Variants in EPB41L2 observed in about 807,000 individuals in gnomAD.
The protein encoded by EPB41L2 is erythrocyte membrane protein band 4.1 like 2, also known as band 4.1-like protein 2.
Under a neutral mutation model 113.0 loss-of-function variants are expected in EPB41L2, and 43 were observed. The observed-to-expected ratio is 0.38, with a 90% confidence interval of 0.30 to 0.49. The LOEUF is 0.49. Among genes scored for constraint, EPB41L2 ranks in the 20% least tolerant of loss-of-function variants. The pLI is 0.95. For missense variants in EPB41L2, 1,147 were observed against 1,223.4 expected (o/e 0.94, Z 0.93); for synonymous variants, 442 against 436.7 (o/e 1.01, Z -0.15).
rs34144765 is a variant in EPB41L2 at position 131,010,414 on chromosome 6, A to ATT, written c.-15+52739_-15+52740dup. 5.0e-4 allele frequency among the ~76,000 whole-genome samples: 71 copies of ATT among 142,958 alleles called. 1 individual carries two copies. The highest frequency in any genetic ancestry group is 4.5e-3 in the East Asian group (22 of 4,862). The allele number at this position is 142,958 out of a possible 152,430, so 93.8% of individuals were successfully genotyped here. On this transcript the variant is annotated intron_variant, in intron 1 of 19. Transcript: ENST00000337057. ...CCTGATAGAAATAAAGAATTAATTAATTTTTTTTTTTTTTTTGAAACGCAG... is the reference window on the plus strand; with the variant it reads ...CCTGATAGAAATAAAGAATTAATTAATTTTTTTTTTTTTTTTTTGAAACGCAG...
At chr6:130,905,152 G>A (rs1013941147) in intron 5 of EPB41L2, among the ~76,000 whole-genome samples, 4 of 152,090 alleles carry the variant, frequency 2.6e-5, no homozygotes, top group African/African-American at 4.8e-5. Flanking sequence ...ACACTTGGCT[G>A]TATTGTGCCA....
At chr6:131,024,614 G>A (rs528090677) in intron 1 of EPB41L2, among the ~76,000 whole-genome samples, 4 of 152,220 alleles carry the variant, frequency 2.6e-5, no homozygotes, top group South Asian at 2.1e-4. Context: ...CTCTTTGAGC[G>A]CAAGGACCGA....
At chr6:130,853,425 G>A (rs1267867658) in intron 19 of EPB41L2, among the ~76,000 whole-genome samples, 1 of 152,184 alleles carries the variant, frequency 6.6e-6, no homozygotes, top group Non-Finnish European at 1.5e-5. Flanking sequence ...TACCACTGCA[G>A]TGGTGATAAG....
At chr6:130,961,431 T>C (rs1484259528) in intron 1 of EPB41L2, among the ~76,000 whole-genome samples, 1 of 152,200 alleles carries the variant, frequency 6.6e-6, no homozygotes, top group Non-Finnish European at 1.5e-5. Flanking sequence ...CTGTGTTACA[T>C]AAACCCATTC....
chr6:130,873,908 G>A (rs1414186651), intron 14 of EPB41L2, among the ~76,000 whole-genome samples: 1 of 152,142 alleles, frequency 6.6e-6, no homozygotes, highest in East Asian at 1.9e-4. Flanking sequence ...AGAGGAAAAA[G>A]CTTTTGGACT....
intron 11 of EPB41L2, 148 bp from the exon 12 acceptor site, chr6:130,885,416 T>C (rs1237047588): frequency 7.2e-6 from 5 of 697,870 alleles, no homozygotes; most frequent in South Asian, 6.0e-5. Flanking sequence ...ATACCCACCA[T>C]ATAAAATAAA....
At position 130,839,400 on chromosome 6, in the gene EPB41L2, C is replaced by T. The variant is rs1774867207; in HGVS notation, c.*1204G>A. On this transcript the variant is annotated 3_prime_UTR_variant, in exon 20 of 20. Coordinates refer to ENST00000337057, the MANE Select transcript of EPB41L2 (RefSeq NM_001431.4). Reference sequence around the variant, plus strand: ...AATAGTATTACAGGAAGCAAAATATCATTTAATACAACTTGAGGCTGCTAT... The same window carrying T: ...AATAGTATTACAGGAAGCAAAATATTATTTAATACAACTTGAGGCTGCTAT... 2 of 152,114 alleles carry T rather than the reference C, an allele frequency of 1.3e-5. No homozygotes were observed. Among genetic ancestry groups the T allele is most frequent in the South Asian group, 4.1e-4 (2 of 4,822 alleles). The allele number at this position is 152,114 out of a possible 1,614,324, so 9.4% of individuals were successfully genotyped here. A position where few individuals can be genotyped will look rare whatever the true frequency, so the allele number is the denominator to read the frequency against.
At chr6:131,016,848 C>CA (rs10687764) in intron 1 of EPB41L2, among the ~76,000 whole-genome samples, 38,991 of 140,574 alleles carry the variant, frequency 0.28, 6,486 homozygotes, top group African/African-American at 0.49. Flanking sequence ...TATTCGCACA[C>CA]AAAAAAAAAA....
chr6:130,935,289 C>A (rs80191892), intron 3 of EPB41L2, among the ~76,000 whole-genome samples: 4 of 152,188 alleles, frequency 2.6e-5, no homozygotes, highest in Admixed American at 1.3e-4. Flanking sequence ...AATAAAATCA[C>A]ATAGATACTT....
chr6:130,997,398 G>A, intron 1 of EPB41L2, among the ~76,000 whole-genome samples: 1 of 152,138 alleles, frequency 6.6e-6, no homozygotes, highest in Middle Eastern at 3.2e-3. Context: ...AGTTTCCTAT[G>A]AAGGTAGTCA....
chr6:130,860,215 A>C (rs1233030874), intron 18 of EPB41L2, among the ~76,000 whole-genome samples: 5 of 152,246 alleles, frequency 3.3e-5, no homozygotes, highest in Non-Finnish European at 7.3e-5. Context: ...ACGTAGCTAC[A>C]GACAAATGAT....
chr6:130,927,790 T>C (rs1299256612), intron 3 of EPB41L2, among the ~76,000 whole-genome samples: 1 of 152,276 alleles, frequency 6.6e-6, no homozygotes, highest in Non-Finnish European at 1.5e-5. Context: ...TAACATTATT[T>C]CAACATAATA....
chr6:131,030,638 C>G (rs1333016687), intron 1 of EPB41L2, among the ~76,000 whole-genome samples: 1 of 152,134 alleles, frequency 6.6e-6, no homozygotes, highest in African/African-American at 2.4e-5. Flanking sequence ...TTAATCTGAA[C>G]CATTTATATT....
chr6:131,057,192 TTC>T (rs1351607617), intron 1 of EPB41L2, among the ~76,000 whole-genome samples: 3 of 152,222 alleles, frequency 2.0e-5, no homozygotes, highest in Non-Finnish European at 4.4e-5. Flanking sequence ...ACTCCTAAAG[TTC>T]TCTTTCTCCC....
chr6:130,925,190 CTTTT>C (rs398048854), intron 4 of EPB41L2, among the ~76,000 whole-genome samples: 2 of 130,422 alleles, frequency 1.5e-5, no homozygotes, highest in African/African-American at 3.0e-5. Flanking sequence ...GATTTCTTTT[CTTTT>C]TTTTTTTTTT....
intron 4 of EPB41L2, among the ~76,000 whole-genome samples, chr6:130,909,753 AATG>A (rs1197539145): frequency 1.3e-5 from 2 of 152,292 alleles, no homozygotes; most frequent in African/African-American, 4.8e-5. Flanking sequence ...TAGAGAGCCA[AATG>A]ATGAGTGAAC....
chr6:130,941,511 C>T (rs1043621955), intron 3 of EPB41L2, among the ~76,000 whole-genome samples: 4 of 152,220 alleles, frequency 2.6e-5, no homozygotes, highest in Non-Finnish European at 5.9e-5. Context: ...TAGGCTAGCA[C>T]ATTCTCTGTA....
intron 1 of EPB41L2, among the ~76,000 whole-genome samples, chr6:131,039,089 C>T (rs1161261199): frequency 1.3e-5 from 2 of 152,156 alleles, no homozygotes; most frequent in African/African-American, 2.4e-5. Context: ...TACATTTAAA[C>T]TCTCGATGAA....
intron 10 of EPB41L2, 109 bp downstream of exon 10, chr6:130,894,235 G>T (rs1190526718): frequency 3.7e-6 from 3 of 810,570 alleles, no homozygotes; most frequent in Admixed American, 1.8e-5. Context: ...CCCCAGGCTG[G>T]TCTCAAACTC....
Sources: gnomAD v4.1 joint callset for allele counts (sites outside exome capture counted in the v4.1 genomes callset) on GRCh38, gnomAD v4.1.1 for gene constraint, MANE v1.5 for transcripts, NCBI Gene and HGNC (gene_info 2026-07-23, HGNC 2026-07-21) for gene names.